The following FAT1 variants were observed in gnomAD, a reference collection of about 807,000 sequenced individuals.
FAT1 encodes the protein protocadherin Fat 1.
A neutral mutation model predicts 329.8 loss-of-function variants in FAT1; 171 were observed. The observed-to-expected ratio is 0.52, with a 90% CI of 0.46 to 0.59. The LOEUF (loss-of-function observed/expected upper bound fraction) is 0.59. Ranked by LOEUF, FAT1 falls within the 20% of genes least tolerant of loss-of-function variation. FAT1 has a pLI of 0.00. For synonymous variants in FAT1, 2,233 were observed against 2,228.6 expected, an observed-to-expected ratio of 1.00 and a Z score of -0.06; for missense variants, 5,672 against 5,774.4, an observed-to-expected ratio of 0.98 and a Z score of 0.57.
rs768773369 is a variant in FAT1 at position 186,636,684 on chromosome 4, G to A, written c.3873C>T (p.Ile1291=). The A allele has an allele frequency of 3.1e-5, 50 of 1,613,672 alleles. No homozygotes were observed. In the East Asian group the frequency reaches 3.6e-4, roughly 12 times the overall value. The change falls in exon 5 of 27, where the codon ATC becomes ATT. Residue 1291 remains isoleucine (I), a synonymous_variant. Coordinates refer to ENST00000441802, the MANE Select transcript of FAT1 (RefSeq NM_005245.4). ...ATTTGCCATGCTCATTCCCGTCTTC[G>A]ATGCTGTAGGAGATTTCTGCATTGG... ...EGPNAEISYS[I]EDGNEHGKFF... is the part of the protein sequence containing the mutation.
At chr4:186,657,764 C>T (rs1236709748) in intron 3 of FAT1, among the ~76,000 whole-genome samples, 2 of 152,188 alleles carry the variant, frequency 1.3e-5, no homozygotes, top group African/African-American at 4.8e-5. Context: ...AAAGGACACA[C>T]ATGTCTAAAA....
chr4:186,707,265 C>T lies in FAT1; in HGVS notation c.2563G>A (p.Gly855Arg), dbSNP rs180820128. ...GTAACAATTGAGTACGTCACGTGTC[C>T]GTTGGGCCCCAGGTCTTTATCTGTG... ...EATDKDLGPN[G>R]HVTYSIVTDT... The change falls in exon 2 of 27, where the codon GGA (glycine) becomes AGA (arginine). Residue 855 changes from glycine to arginine, a missense_variant. Physicochemically the swap from Gly to Arg is moderately radical, Grantham distance 125. Transcript: ENST00000441802. 2.4e-3 allele frequency: 3,830 copies of T among 1,613,924 alleles called. 4 individuals carry two copies. The highest frequency in any genetic ancestry group is 6.9e-3 in the Middle Eastern group (42 of 6,062).
intron 2 of FAT1, among the ~76,000 whole-genome samples, chr4:186,686,259 G>A (rs908438769): frequency 4.3e-5 from 6 of 138,662 alleles, no homozygotes; most frequent in African/African-American, 1.6e-4. Flanking sequence ...ACATTCTGAA[G>A]AAAACATGTA....
At chr4:186,649,390 C>T (rs192991845) in intron 3 of FAT1, among the ~76,000 whole-genome samples, 31 of 152,192 alleles carry the variant, frequency 2.0e-4, no homozygotes, top group African/African-American at 7.0e-4. Context: ...TGGCTCCTGC[C>T]CAAAAGATAC....
rs1744736579 is a variant in FAT1, at chr4:186,708,136, G to C, written c.1692C>G (p.Asp564Glu). The change falls in exon 2 of 27, where the codon GAC becomes GAG. Residue 564 changes from aspartate (D) to glutamate (E), a missense_variant. Transcript: ENST00000441802. ...TTATTTTCTCAAACAAAGGTGTGTT[G>C]TCATTCAAGTTATTGAGAGTAATTG... ...LATITLNNLN[D>E]NTPLFEKINC... is the part of the protein sequence containing the mutation. The C allele has an allele frequency of 6.2e-7, 1 of 1,613,936 alleles. No homozygotes were observed. The highest frequency in any genetic ancestry group is 1.3e-5 in the African/African-American group (1 of 75,010).
intron 21 of FAT1, 137 bp downstream of exon 21, chr4:186,601,132 C>T (rs1163203596): frequency 3.9e-6 from 3 of 773,496 alleles, no homozygotes; most frequent in Non-Finnish European, 5.9e-6. Flanking sequence ...CTTGTACAGG[C>T]ATCAATGAAT....
intron 11 of FAT1, among the ~76,000 whole-genome samples, chr4:186,616,573 G>T (rs1023923670): frequency 2.0e-5 from 3 of 151,978 alleles, no homozygotes; most frequent in Non-Finnish European, 4.4e-5. Flanking sequence ...ACTGAATGGT[G>T]AGCCGCGCAG....
In FAT1 at chr4:186,596,508, A is replaced by G; in HGVS notation, c.13000+32T>C. Reference sequence around the variant, plus strand: ...GTAACCTCACTGTTTATCTCAAGTGACACTTTAGTGAGATGAAAAAGTGGC... The same window carrying G: ...GTAACCTCACTGTTTATCTCAAGTGGCACTTTAGTGAGATGAAAAAGTGGC... On this transcript the variant is annotated intron_variant, in intron 25 of 26. Coordinates refer to ENST00000441802, the MANE Select transcript of FAT1 (RefSeq NM_005245.4). The surrounding 1 kb of genome is among the most constrained non-coding windows in gnomAD (Gnocchi z 4.7). 1.3e-6 allele frequency: 2 copies of G among 1,585,784 alleles called. No homozygotes were observed. Among genetic ancestry groups the G allele is most frequent in the Non-Finnish European group, 8.6e-7 (1 of 1,168,422 alleles).
chr4:186,663,718 T>C, intron 2 of FAT1, 105 bp from the exon 3 acceptor site: 1 of 838,532 alleles, frequency 1.2e-6, no homozygotes, highest in South Asian at 1.8e-5. Context: ...ATATGTCTCT[T>C]ACTAGGTGCA....
intron 21 of FAT1, 34 bp from the exon 22 acceptor site, chr4:186,600,394 T>C (rs372138079): frequency 5.8e-6 from 9 of 1,542,496 alleles, no homozygotes; most frequent in Non-Finnish European, 7.1e-6. Flanking sequence ...CACATTACTC[T>C]CATAGAACCT....
chr4:186,599,947 G>A lies in FAT1; in HGVS notation c.12054C>T (p.Ala4018=), dbSNP rs773637283. 6.2e-7 allele frequency: 1 copy of A among 1,613,906 alleles called. No homozygotes were observed. The highest frequency in any genetic ancestry group is 8.5e-7 in the Non-Finnish European group (1 of 1,179,820). The change falls in exon 22 of 27, where the codon GCC becomes GCT. Residue 4018 remains alanine (A), a synonymous_variant. Coordinates refer to ENST00000441802, the MANE Select transcript of FAT1 (RefSeq NM_005245.4). ...CGCCTCCATTCTGGCAAGGGTTGCTGGCGCAGTCTTCCGTGGCCGTCAGGA... is the reference window on the plus strand; with the variant it reads ...CGCCTCCATTCTGGCAAGGGTTGCTAGCGCAGTCTTCCGTGGCCGTCAGGA... ...GCFLTATEDC[A]SNPCQNGGVC...
At position 186,628,230 on chromosome 4, in the gene FAT1, G is replaced by A. The variant is rs2126542120; in HGVS notation, c.4734C>T (p.Gly1578=). The change falls in exon 9 of 27, where the codon GGC becomes GGT. Residue 1578 remains glycine, a synonymous_variant. Transcript: ENST00000441802. ...KGRVYESAAV[G]SVVLQVTALD... ...GAGCCGTCACCTGCAACACAACTGAGCCAACGGCTGCCGATTCATAAACCC... is the reference window on the plus strand; with the variant it reads ...GAGCCGTCACCTGCAACACAACTGAACCAACGGCTGCCGATTCATAAACCC... 6.2e-7 allele frequency: 1 copy of A among 1,613,868 alleles called. No homozygotes were observed. Among genetic ancestry groups the A allele is most frequent in the Non-Finnish European group, 8.5e-7 (1 of 1,179,868 alleles).
At chr4:186,591,848 T>C (rs1404597738) in intron 26 of FAT1, among the ~76,000 whole-genome samples, 1 of 152,142 alleles carries the variant, frequency 6.6e-6, no homozygotes, top group Non-Finnish European at 1.5e-5. Context: ...GACAGCATCA[T>C]GTCCTAGCAT....
Position 186,609,934 on chromosome 4 carries a change from G to T in FAT1, c.9935C>A (p.Thr3312Lys). 8.1e-6 allele frequency: 13 copies of T among 1,612,940 alleles called. No individual in the cohort carries two copies. Among genetic ancestry groups the T allele is most frequent in the Non-Finnish European group, 1.1e-5 (13 of 1,178,958 alleles). ...AGTGGCAACGTCGCTCAGTGAAGGC[G>T]TGCCTCCATCAGTGGCCTCTACTGT... is the stretch of plus-strand genomic sequence containing the variant. Reference protein sequence around the residue: ...YLTVEATDGGTPSLSDVATVN... With the variant: ...YLTVEATDGGKPSLSDVATVN... The change falls in exon 15 of 27, where the codon ACG becomes AAG. Residue 3312 changes from threonine (T) to lysine (K), a missense_variant. By Grantham distance (78) the Thr-to-Lys change is moderately conservative. This residue lies in a region of FAT1 where 1,706 missense variants were observed against 1,859.1 expected (regional missense o/e 0.92). Transcript: ENST00000441802.
Position 186,603,597 on chromosome 4 carries a change from G to A in FAT1, c.10929C>T (p.Ile3643=), listed in dbSNP as rs769029497. 1.2e-6 allele frequency: 2 copies of A among 1,613,880 alleles called. No homozygotes were observed. Among genetic ancestry groups the A allele is most frequent in the East Asian group, 2.2e-5 (1 of 44,892 alleles). The change falls in exon 19 of 27, where the codon ATC becomes ATT. Residue 3643 remains isoleucine (I), a synonymous_variant. Coordinates refer to ENST00000441802, the MANE Select transcript of FAT1 (RefSeq NM_005245.4). ...QVTQEMLNHT[I]AIRFANLTPE... is the part of the protein sequence containing the mutation. ...GAGTGAGGTTGGCAAAGCGGATCGC[G>A]ATGGTGTGGTTCAACATCTCCTGTG...
intron 9 of FAT1, among the ~76,000 whole-genome samples, chr4:186,626,653 A>G (rs568999940): frequency 7.4e-6 from 1 of 134,864 alleles, no homozygotes; most frequent in Non-Finnish European, 1.6e-5. Context: ...CCACAGAATG[A>G]ATGAATGAAT....
chr4:186,643,893 T>C (rs1231278101), intron 3 of FAT1, among the ~76,000 whole-genome samples: 2 of 149,830 alleles, frequency 1.3e-5, no homozygotes, highest in East Asian at 2.0e-4. Context: ...AGGTAGTAAG[T>C]GTCCTAGTAA....
intron 3 of FAT1, among the ~76,000 whole-genome samples, chr4:186,661,311 C>G (rs550019907): frequency 3.9e-5 from 6 of 152,220 alleles, no homozygotes; most frequent in African/African-American, 7.2e-5. Flanking sequence ...GTCATAAGCC[C>G]CTCATTCCAG....
intron 24 of FAT1, 104 bp from the exon 25 acceptor site, chr4:186,597,275 T>C (rs1560919053): frequency 8.0e-7 from 1 of 1,253,444 alleles, no homozygotes; most frequent in South Asian, 1.6e-5. Flanking sequence ...TGATGAGCTA[T>C]GTGAAGATCA....
Sources: gnomAD v4.1 joint callset for allele counts (sites outside exome capture counted in the v4.1 genomes callset) on GRCh38, gnomAD v4.1.1 for gene constraint, gnomAD v4.1.1 regional missense constraint, Gnocchi (gnomAD v3.1) non-coding constraint, MANE v1.5 for transcripts, NCBI Gene and HGNC (gene_info 2026-07-23, HGNC 2026-07-21) for gene names.